The following FNTA variants were observed in gnomAD, a reference collection of about 807,000 sequenced individuals.
FNTA encodes the protein farnesyltransferase, CAAX box, subunit alpha, also known as protein farnesyltransferase/geranylgeranyltransferase type-1 subunit alpha.
FNTA carries 27 observed loss-of-function variants against 55.2 expected under a neutral mutation model. The observed-to-expected ratio is 0.49, with a 90% CI of 0.36 to 0.67. The LOEUF (loss-of-function observed/expected upper bound fraction) is 0.67. FNTA is among the 30% of genes least tolerant of loss of function. The pLI, the probability that FNTA is intolerant of heterozygous loss-of-function variation, is 0.00. For synonymous variants in FNTA, 176 were observed against 170.7 expected (o/e 1.03, Z -0.24); for missense variants, 422 against 464.7 (o/e 0.91, Z 0.85).
intron 2 of FNTA, among the ~76,000 whole-genome samples, chr8:43,061,204 T>C (rs138539101): frequency 2.6e-5 from 4 of 152,362 alleles, no homozygotes; most frequent in Non-Finnish European, 5.9e-5. Context: ...AATGCACTTA[T>C]CTTACAACCT....
intron 6 of FNTA, chr8:43,080,467 G>C (rs1252976166): frequency 2.6e-5 from 4 of 152,170 alleles, no homozygotes; most frequent in Non-Finnish European, 5.9e-5. Flanking sequence ...TTTTAGATAT[G>C]ATGCTATTGC....
In FNTA at chr8:43,069,579, G is replaced by C. The variant is rs780631274; in HGVS notation, c.426G>C (p.Lys142Asn). The part of the protein sequence containing the change: ...TVWHFRRVLL[K>N]SLQKDLHEEM... ...GGCATTTCCGGAGAGTTCTTTTGAA[G>C]TCACTTCAGAAGGATCTACATGAGG... Residue 142 changes from lysine to asparagine, a missense_variant, in exon 4 of 9, where the codon AAG becomes AAC. Lys to Asn is a moderately conservative substitution (Grantham distance 94, BLOSUM62 0). Coordinates refer to ENST00000302279, the MANE Select transcript of FNTA (RefSeq NM_002027.3). The C allele has an allele frequency of 3.1e-6, 5 of 1,613,272 alleles. No homozygotes were observed. In the South Asian group the frequency reaches 5.5e-5, roughly 18 times the overall value.
chr8:43,067,592 G>A (rs919689268), intron 3 of FNTA, among the ~76,000 whole-genome samples: 1 of 150,410 alleles, frequency 6.6e-6, no homozygotes, highest in East Asian at 1.9e-4. Context: ...AGTATACCTG[G>A]AATCCTTACC....
intron 1 of FNTA, among the ~76,000 whole-genome samples, chr8:43,057,582 A>G (rs951822771): frequency 1.3e-5 from 2 of 152,202 alleles, no homozygotes; most frequent in African/African-American, 2.4e-5. Context: ...TTCTCCCTGT[A>G]TAATGGACAC....
chr8:43,061,230 C>G (rs1457402779), intron 2 of FNTA, among the ~76,000 whole-genome samples: 1 of 152,182 alleles, frequency 6.6e-6, no homozygotes, highest in Non-Finnish European at 1.5e-5. Flanking sequence ...TGTGTTGCTT[C>G]TAATTTAATA....
At chr8:43,063,595 C>T (rs1248179701) in intron 2 of FNTA, among the ~76,000 whole-genome samples, 1 of 151,942 alleles carries the variant, frequency 6.6e-6, no homozygotes, top group African/African-American at 2.4e-5. Context: ...AGGCTATATA[C>T]TTGTAGATGC....
intron 5 of FNTA, among the ~76,000 whole-genome samples, chr8:43,072,739 A>C (rs544267134): frequency 1.2e-4 from 18 of 152,268 alleles, no homozygotes; most frequent in South Asian, 8.3e-4. Context: ...TTAAAAAAAA[A>C]CAAACATTAT....
At chr8:43,068,714 C>T (rs1301590224) in intron 3 of FNTA, among the ~76,000 whole-genome samples, 1 of 152,100 alleles carries the variant, frequency 6.6e-6, no homozygotes, top group East Asian at 1.9e-4. Context: ...TTACCTTTCA[C>T]TATTTTTTTC....
At chr8:43,083,260 G>T in intron 7 of FNTA, 80 bp downstream of exon 7, 1 of 764,002 alleles carries the variant, frequency 1.3e-6, no homozygotes, top group Non-Finnish European at 2.2e-6. Flanking sequence ...TCCATAATCA[G>T]ATTCCAAAAG....
At chr8:43,072,879 C>G (rs76788896) in intron 5 of FNTA, among the ~76,000 whole-genome samples, 2 of 151,958 alleles carry the variant, frequency 1.3e-5, no homozygotes, top group South Asian at 2.1e-4. Flanking sequence ...TAAAGAGTAG[C>G]ATATTTTTAC....
chr8:43,064,043 A>G, intron 2 of FNTA, 58 bp from the exon 3 acceptor site: 1 of 1,022,068 alleles, frequency 9.8e-7, no homozygotes. Context: ...GACATTATAC[A>G]TTATAGTGCT....
intron 6 of FNTA, chr8:43,079,712 A>G (rs1042001205): frequency 6.6e-6 from 1 of 152,278 alleles, no homozygotes; most frequent in African/African-American, 2.4e-5. Context: ...TTGTAAGGCT[A>G]TGAGCTACCA....
chr8:43,059,096 A>G lies in FNTA; in HGVS notation c.205A>G (p.Arg69Gly), dbSNP rs1810475845. 2 of 1,612,770 alleles carry G rather than the reference A, an allele frequency of 1.2e-6. No homozygotes were observed. The highest frequency in any genetic ancestry group is 1.7e-6 in the Non-Finnish European group (2 of 1,179,444). ...DSPSYVLYRD[R>G]AEWADIDPVP... Reference sequence around the variant, plus strand: ...TTGGGGAATGTCTGTTTTCAGGGACAGAGCAGAATGGGCTGATATAGATCC... The same window carrying G: ...TTGGGGAATGTCTGTTTTCAGGGACGGAGCAGAATGGGCTGATATAGATCC... The change falls in exon 2 of 9, where the codon AGA (arginine) becomes GGA (glycine). Residue 69 changes from arginine to glycine, a missense_variant. Arg to Gly is a moderately radical substitution (Grantham distance 125). Coordinates refer to ENST00000302279, the MANE Select transcript of FNTA (RefSeq NM_002027.3).
chr8:43,063,054 A>C (rs183351766), intron 2 of FNTA, among the ~76,000 whole-genome samples: 28 of 149,882 alleles, frequency 1.9e-4, no homozygotes, highest in Non-Finnish European at 3.5e-4. Flanking sequence ...AGTAGCTGGG[A>C]GTACAGGTGC....
chr8:43,071,054 T>A (rs1026754662), intron 4 of FNTA, among the ~76,000 whole-genome samples: 2 of 152,230 alleles, frequency 1.3e-5, no homozygotes, highest in Non-Finnish European at 2.9e-5. Context: ...ACGAATTTTT[T>A]AATTTTCCAG....
At chr8:43,067,351 T>C (rs1810683944) in intron 3 of FNTA, among the ~76,000 whole-genome samples, 1 of 152,250 alleles carries the variant, frequency 6.6e-6, no homozygotes, top group African/African-American at 2.4e-5. Context: ...ACACTTCCCA[T>C]AATGTTGTTG....
intron 2 of FNTA, among the ~76,000 whole-genome samples, chr8:43,060,675 CAAAA>C (rs202205706): frequency 0.75 from 106,186 of 141,086 alleles, 40,581 homozygotes; most frequent in Non-Finnish European, 0.86. Context: ...AACTCTGTCT[CAAAA>C]AAAAAAAAAA....
intron 3 of FNTA, among the ~76,000 whole-genome samples, chr8:43,066,584 G>A (rs948699939): frequency 4.7e-5 from 5 of 107,002 alleles, no homozygotes; most frequent in Admixed American, 1.0e-4. Context: ...AAATAGCATC[G>A]TTCGTGTGTG....
intron 2 of FNTA, among the ~76,000 whole-genome samples, chr8:43,061,796 C>T (rs536314833): frequency 1.3e-4 from 20 of 151,570 alleles, no homozygotes; most frequent in Admixed American, 3.3e-4. Context: ...CTTGGCTCAC[C>T]GCGACCTCCG....
Sources: allele counts gnomAD v4.1 joint callset (sites outside exome capture counted in the v4.1 genomes callset), GRCh38; gene constraint gnomAD v4.1.1; transcripts MANE v1.5; gene names NCBI Gene and HGNC (gene_info 2026-07-23, HGNC 2026-07-21).